Variants in CNOT9 observed in about 807,000 individuals in gnomAD.
CNOT9 encodes the protein RCD1 required for cell differentiation1 homolog.
A neutral mutation model predicts 37.4 loss-of-function variants in CNOT9; 8 were observed. The ratio of observed to expected loss-of-function variants is 0.21; its 90% CI spans 0.13 to 0.39. The LOEUF (loss-of-function observed/expected upper bound fraction) is 0.39, where lower values mean the gene tolerates loss of function less well. Among genes scored for constraint, CNOT9 ranks in the 10% least tolerant of loss-of-function variants. The pLI is 1.00. For synonymous variants in CNOT9, 120 were observed against 137.6 expected, an observed-to-expected ratio of 0.87 and a Z score of 0.90; for missense variants, 154 against 365.3, an observed-to-expected ratio of 0.42 and a Z score of 4.71.
chr2:218,569,910 C>G (rs2106074686), intron 1 of CNOT9, among the ~76,000 whole-genome samples: 1 of 152,308 alleles, frequency 6.6e-6, no homozygotes, highest in South Asian at 2.1e-4. Context: ...GTGGCCTTCC[C>G]TGACTATCCT....
intron 2 of CNOT9, 44 bp downstream of exon 2, chr2:218,580,784 A>G: frequency 6.5e-7 from 1 of 1,534,452 alleles, no homozygotes; most frequent in Non-Finnish European, 8.9e-7. Context: ...TTTTCATTAC[A>G]CTTGTATATT....
intron 4 of CNOT9, among the ~76,000 whole-genome samples, chr2:218,586,933 A>G (rs1009677789): frequency 6.6e-6 from 1 of 152,222 alleles, no homozygotes; most frequent in Non-Finnish European, 1.5e-5. Flanking sequence ...TAGAATATCC[A>G]AACATTTCTT....
chr2:218,582,347 G>A (rs1694417134), intron 2 of CNOT9, among the ~76,000 whole-genome samples: 2 of 152,162 alleles, frequency 1.3e-5, no homozygotes, highest in Admixed American at 1.3e-4. Flanking sequence ...GATAGCCTCA[G>A]TAGCTGGAGA....
intron 1 of CNOT9, among the ~76,000 whole-genome samples, chr2:218,580,132 C>G (rs769244432): frequency 1.3e-5 from 2 of 152,074 alleles, no homozygotes; most frequent in Non-Finnish European, 2.9e-5. Context: ...CCACACCCAG[C>G]TAAATTTTGT....
chr2:218,589,284 G>T (rs959442951), intron 5 of CNOT9: 4 of 152,112 alleles, frequency 2.6e-5, no homozygotes, highest in African/African-American at 9.6e-5. Context: ...TCTCTGTGTT[G>T]TTCCAATTTT....
At chr2:218,583,263 C>G (rs1373099661) in intron 3 of CNOT9, among the ~76,000 whole-genome samples, 177 bp downstream of exon 3, 13 of 135,782 alleles carry the variant, frequency 9.6e-5, no homozygotes, top group African/African-American at 2.3e-4. Flanking sequence ...CTCTCTCTCT[C>G]TCTCTCTCTC....
At position 218,592,469 on chromosome 2, in the gene CNOT9, G is replaced by T. The variant is rs1429166314; in HGVS notation, c.639+67G>T. On this transcript the variant is annotated intron_variant, in intron 6 of 7. Transcript: ENST00000273064. The surrounding 1 kb of genome is among the most constrained non-coding windows in gnomAD (Gnocchi z 4.1). ...ACAAAGCTTAATCTCTTTATAACTG[G>T]CATTGAACAACTTCAGTCCTCTGAC... 5 of 1,489,676 alleles carry T rather than the reference G, an allele frequency of 3.4e-6. No homozygotes were observed. The Admixed American group carries it at 5.0e-5, about 15-fold the overall frequency. The allele number at this position is 1,489,676 out of a possible 1,614,324, so 92.3% of individuals were successfully genotyped here.
At chr2:218,581,739 C>A (rs942377775) in intron 2 of CNOT9, among the ~76,000 whole-genome samples, 12 of 152,108 alleles carry the variant, frequency 7.9e-5, no homozygotes, top group African/African-American at 2.2e-4. Flanking sequence ...AGAAACTGAT[C>A]TTTGTTATGG....
intron 5 of CNOT9, among the ~76,000 whole-genome samples, 181 bp downstream of exon 5, chr2:218,587,876 A>G (rs1694642318): frequency 2.0e-5 from 3 of 152,236 alleles, no homozygotes; most frequent in Admixed American, 6.5e-5. Context: ...ATCAAGTTAA[A>G]CACTAAATTT....
At chr2:218,589,608 C>A (rs1694708164) in intron 5 of CNOT9, among the ~76,000 whole-genome samples, 1 of 152,172 alleles carries the variant, frequency 6.6e-6, no homozygotes, top group Admixed American at 6.5e-5. Context: ...ACTAGGAGTA[C>A]AAGCATGAGC....
At chr2:218,581,325 T>C (rs950176378) in intron 2 of CNOT9, among the ~76,000 whole-genome samples, 3 of 151,754 alleles carry the variant, frequency 2.0e-5, no homozygotes, top group Non-Finnish European at 2.9e-5. Context: ...TGCATCACCA[T>C]GCCTGGCTTT....
At chr2:218,569,067 C>T in intron 1 of CNOT9, 89 bp downstream of exon 1, 4 of 1,450,620 alleles carry the variant, frequency 2.8e-6, no homozygotes, top group Non-Finnish European at 3.8e-6. Context: ...TGTCGGGTCC[C>T]TAGTCTGATT....
chr2:218,581,113 A>G, intron 2 of CNOT9: 1 of 433,106 alleles, frequency 2.3e-6, no homozygotes, highest in Non-Finnish European at 4.7e-6. Flanking sequence ...AAGGACCACA[A>G]GGTACAATAT....
intron 4 of CNOT9, 165 bp from the exon 5 acceptor site, chr2:218,587,421 C>T (rs1177897814): frequency 3.9e-6 from 5 of 1,272,234 alleles, no homozygotes; most frequent in African/African-American, 1.6e-5. Context: ...CTGCGCCGCC[C>T]TCTTCCTTTT....
chr2:218,580,801 C>T, intron 2 of CNOT9, 61 bp downstream of exon 2: 1 of 1,448,594 alleles, frequency 6.9e-7, no homozygotes, highest in Non-Finnish European at 9.5e-7. Context: ...TATTTCTTTA[C>T]CTTTGCCCAA....
At position 218,594,090 on chromosome 2, in the gene CNOT9, T is replaced by G. The variant is rs373999787; in HGVS notation, c.732-18T>G. On this transcript the variant is annotated intron_variant, in intron 7 of 7. Transcript: ENST00000273064. ...TATTTGTTGGTCTCCCTGGTTGGTTTGTTTGTTTCTGATGTAGGGCACGTG... is the reference window on the plus strand; with the variant it reads ...TATTTGTTGGTCTCCCTGGTTGGTTGGTTTGTTTCTGATGTAGGGCACGTG... The G allele has an allele frequency of 7.3e-5, 118 of 1,613,254 alleles. No individual in the cohort carries two copies. The highest frequency in any genetic ancestry group is 9.1e-5 in the Non-Finnish European group (107 of 1,179,440).
chr2:218,574,951 G>C (rs1025384200), intron 1 of CNOT9, among the ~76,000 whole-genome samples: 81 of 149,746 alleles, frequency 5.4e-4, no homozygotes, highest in African/African-American at 1.9e-3. Context: ...ATACGTCAAA[G>C]TTTTTTTTTT....
chr2:218,570,847 C>T (rs2106075843), intron 1 of CNOT9, among the ~76,000 whole-genome samples: 1 of 152,248 alleles, frequency 6.6e-6, no homozygotes, highest in East Asian at 1.9e-4. Flanking sequence ...GTTTTCAGTG[C>T]CTTACATTAA....
intron 1 of CNOT9, among the ~76,000 whole-genome samples, chr2:218,571,195 T>TA (rs1332273038): frequency 2.6e-5 from 4 of 152,250 alleles, no homozygotes; most frequent in Non-Finnish European, 5.9e-5. Context: ...TCTGTGACTT[T>TA]ATTTATCTCT....
Sources: gnomAD v4.1 joint callset for allele counts (sites outside exome capture counted in the v4.1 genomes callset) on GRCh38, gnomAD v4.1.1 for gene constraint, Gnocchi (gnomAD v3.1) non-coding constraint, MANE v1.5 for transcripts, NCBI Gene and HGNC (gene_info 2026-07-23, HGNC 2026-07-21) for gene names.